SPMAP2L: variants seen among roughly 807,000 people sequenced by gnomAD.
SPMAP2L encodes sperm microtubule associated protein 2 like.
At chr4:56,543,351 C>G in the SPMAP2L span, among the ~76,000 whole-genome samples, 203 of 152,068 alleles carry the variant, frequency 1.3e-3, no homozygotes, top group Non-Finnish European at 2.3e-3. Flanking sequence ...CCAAAGTGCT[C>G]GGATTACAGA....
chr4:56,543,929 T>A, the SPMAP2L span, among the ~76,000 whole-genome samples: 1,250 of 131,302 alleles, frequency 9.5e-3, 50 homozygotes, highest in African/African-American at 0.036. Context: ...TGTGTGTATG[T>A]GAGAGAGAGA....
the SPMAP2L span, among the ~76,000 whole-genome samples, chr4:56,598,109 T>C: frequency 2.0e-5 from 3 of 152,332 alleles, no homozygotes; most frequent in South Asian, 6.2e-4. Context: ...GTGATCCTTG[T>C]GCCTCAACCT....
the SPMAP2L span, among the ~76,000 whole-genome samples, chr4:56,613,807 G>T: frequency 0.011 from 1,742 of 152,312 alleles, 31 homozygotes; most frequent in African/African-American, 0.039. Context: ...CATGTGACTA[G>T]AATTGTACAT....
the SPMAP2L span, among the ~76,000 whole-genome samples, chr4:56,599,162 T>C: frequency 6.6e-6 from 1 of 151,992 alleles, no homozygotes. Flanking sequence ...TGTATATATG[T>C]ATATATACAC....
At chr4:56,559,083 G>A in the SPMAP2L span, among the ~76,000 whole-genome samples, 1 of 151,812 alleles carries the variant, frequency 6.6e-6, no homozygotes, top group African/African-American at 2.4e-5. Flanking sequence ...ATAGGCATGT[G>A]CCACCACGCC....
chr4:56,544,672 G>T, the SPMAP2L span, among the ~76,000 whole-genome samples: 1 of 151,444 alleles, frequency 6.6e-6, no homozygotes, highest in Non-Finnish European at 1.5e-5. Flanking sequence ...GCTCCGCTAG[G>T]CCGAGCCCCG....
At chr4:56,599,447 T>C in the SPMAP2L span, among the ~76,000 whole-genome samples, 5 of 152,208 alleles carry the variant, frequency 3.3e-5, no homozygotes, top group African/African-American at 9.6e-5. Flanking sequence ...ATTTGTTACA[T>C]AGGTATACAT....
the SPMAP2L span, among the ~76,000 whole-genome samples, chr4:56,617,118 T>C: frequency 6.6e-6 from 1 of 152,148 alleles, no homozygotes; most frequent in Non-Finnish European, 1.5e-5. Context: ...GATTTTGTCA[T>C]TCTGTGAACA....
chr4:56,548,636 GT>G, the SPMAP2L span, among the ~76,000 whole-genome samples: 281 of 151,902 alleles, frequency 1.8e-3, 1 homozygote, highest in Non-Finnish European at 3.7e-3. Context: ...TTTACCTTTG[GT>G]TTATTTTGGT....
chr4:56,554,499 CT>C, the SPMAP2L span, among the ~76,000 whole-genome samples: 2 of 152,160 alleles, frequency 1.3e-5, no homozygotes, highest in Non-Finnish European at 2.9e-5. Context: ...CTTCTGCCCA[CT>C]TTTTAGTTGG....
chr4:56,577,300 G>T, the SPMAP2L span, among the ~76,000 whole-genome samples: 3 of 152,086 alleles, frequency 2.0e-5, no homozygotes, highest in Non-Finnish European at 2.9e-5. Context: ...AGCTACTCAG[G>T]TGGCAGAGGC....
the SPMAP2L span, among the ~76,000 whole-genome samples, chr4:56,600,018 C>T: frequency 4.7e-5 from 7 of 150,492 alleles, no homozygotes; most frequent in African/African-American, 1.7e-4. Flanking sequence ...CAGATGCTGG[C>T]AAGGCTGTGG....
chr4:56,538,903 T>A, the SPMAP2L span, among the ~76,000 whole-genome samples: 1 of 152,336 alleles, frequency 6.6e-6, no homozygotes, highest in South Asian at 2.1e-4. Context: ...TTACATTAAT[T>A]CCTTTAGTAA....
At chr4:56,603,468 G>A in the SPMAP2L span, 2 of 528,184 alleles carry the variant, frequency 3.8e-6, no homozygotes, top group Non-Finnish European at 6.5e-6. Flanking sequence ...AAACCACCAT[G>A]ATCATTAAAT....
chr4:56,583,474 G>T, the SPMAP2L span, among the ~76,000 whole-genome samples: 1 of 152,040 alleles, frequency 6.6e-6, no homozygotes, highest in Admixed American at 6.6e-5. Context: ...TATGTTGATT[G>T]TATCTCAGCA....
chr4:56,588,674 G>A, the SPMAP2L span, among the ~76,000 whole-genome samples: 10 of 152,034 alleles, frequency 6.6e-5, no homozygotes, highest in Non-Finnish European at 1.3e-4. Context: ...CAGGTGATCC[G>A]CCTACCTCAG....
chr4:56,601,202 T>A, the SPMAP2L span: 1 of 1,252,750 alleles, frequency 8.0e-7, no homozygotes, highest in Non-Finnish European at 1.1e-6. Context: ...AAAAGAGTTG[T>A]AGAAATATGA....
chr4:56,551,160 A>G, the SPMAP2L span, among the ~76,000 whole-genome samples: 1 of 152,158 alleles, frequency 6.6e-6, no homozygotes, highest in Admixed American at 6.5e-5. Flanking sequence ...TTATTCTAAA[A>G]GAGTTTGGAG....
the SPMAP2L span, among the ~76,000 whole-genome samples, chr4:56,536,349 C>T: frequency 3.7e-3 from 564 of 152,356 alleles, 6 homozygotes; most frequent in African/African-American, 0.013. Flanking sequence ...AGGATCATTT[C>T]ACTTGCTTTC....
Sources: allele counts gnomAD v4.1 joint callset (sites outside exome capture counted in the v4.1 genomes callset), GRCh38; gene constraint gnomAD v4.1.1; transcripts MANE v1.5; gene names NCBI Gene and HGNC (gene_info 2026-07-23, HGNC 2026-07-21).